Variants in ITGA4 observed in about 807,000 individuals in gnomAD.
ITGA4 encodes the protein integrin subunit alpha 4, also known as integrin alpha-4.
A neutral mutation model predicts 133.6 loss-of-function variants in ITGA4; 63 were observed. The ratio of observed to expected loss-of-function variants is 0.47; its 90% CI spans 0.38 to 0.58. ITGA4 has a LOEUF of 0.58. Among genes scored for constraint, ITGA4 ranks in the 20% least tolerant of loss-of-function variants. The pLI, the probability that ITGA4 is intolerant of heterozygous loss-of-function variation, is 0.00. For synonymous variants in ITGA4, 483 were observed against 438.0 expected (o/e 1.10, Z -1.28); for missense variants, 1,076 against 1,252.7 (o/e 0.86, Z 2.13).
Position 181,537,448 on chromosome 2 carries a change from T to TTTAAAACCCTACCACTTTA in ITGA4, c.*1922_*1940dup. On this transcript the variant is annotated 3_prime_UTR_variant, in exon 28 of 28. Coordinates refer to ENST00000397033, the MANE Select transcript of ITGA4 (RefSeq NM_000885.6). ...TTACTTTGTTACTTGTATCATGAAT[T>TTTAAAACCCTACCACTTTA]TTAAAACCCTACCACTTTAAGAAGA... The TTTAAAACCCTACCACTTTA allele has an allele frequency of 2.2e-6, 1 of 448,368 alleles. No individual in the cohort carries two copies. Among genetic ancestry groups the TTTAAAACCCTACCACTTTA allele is most frequent in the South Asian group, 1.6e-5 (1 of 63,980 alleles). The allele number at this position is 448,368 out of a possible 1,614,324, so 27.8% of individuals were successfully genotyped here. A position where few individuals can be genotyped will look rare whatever the true frequency, so the allele number is the denominator to read the frequency against.
intron 14 of ITGA4, among the ~76,000 whole-genome samples, chr2:181,497,294 A>T (rs1324644460): frequency 3.3e-5 from 5 of 152,234 alleles, no homozygotes; most frequent in Non-Finnish European, 7.3e-5. Flanking sequence ...ATAAATAATC[A>T]TCACATTATT....
At chr2:181,511,144 A>G (rs550688713) in intron 16 of ITGA4, among the ~76,000 whole-genome samples, 2 of 151,952 alleles carry the variant, frequency 1.3e-5, no homozygotes, top group South Asian at 2.1e-4. Context: ...GGGTCTTCCT[A>G]GGTCCTTTGT....
At chr2:181,466,978 T>C (rs1322128073) in intron 2 of ITGA4, among the ~76,000 whole-genome samples, 1 of 152,136 alleles carries the variant, frequency 6.6e-6, no homozygotes, top group Admixed American at 6.6e-5. Flanking sequence ...ATGGTAAATT[T>C]TGTCATGTTC....
chr2:181,498,978 T>C (rs1686214648), intron 15 of ITGA4: 1 of 668,544 alleles, frequency 1.5e-6, no homozygotes, highest in Admixed American at 6.3e-5. Context: ...ATCATCCTTT[T>C]TCACATTTAT....
intron 17 of ITGA4, among the ~76,000 whole-genome samples, chr2:181,520,100 G>GAA (rs1686687429): frequency 6.6e-6 from 1 of 152,072 alleles, no homozygotes; most frequent in South Asian, 2.1e-4. Context: ...TTTTTATAGA[G>GAA]GTGCCCCGTG....
intron 5 of ITGA4, 90 bp downstream of exon 5, chr2:181,478,914 A>T: frequency 1.6e-6 from 1 of 612,094 alleles, no homozygotes; most frequent in Non-Finnish European, 2.6e-6. Flanking sequence ...TTTTAAAGTA[A>T]AAATTGTGTA....
At chr2:181,531,478 C>T (rs1686943585) in intron 24 of ITGA4, among the ~76,000 whole-genome samples, 179 bp from the exon 25 acceptor site, 1 of 152,098 alleles carries the variant, frequency 6.6e-6, no homozygotes, top group South Asian at 2.1e-4. Flanking sequence ...AACAAACATT[C>T]ATGTCTTGTT....
chr2:181,531,872 A>T (rs1261386734), intron 25 of ITGA4, 96 bp downstream of exon 25: 18 of 804,802 alleles, frequency 2.2e-5, no homozygotes, highest in Non-Finnish European at 3.4e-5. Flanking sequence ...GGCATTCAAC[A>T]AATTAAATTT....
At chr2:181,515,062 A>G (rs141841320) in intron 17 of ITGA4, among the ~76,000 whole-genome samples, 173 of 152,198 alleles carry the variant, frequency 1.1e-3, no homozygotes, top group African/African-American at 4.1e-3. Context: ...CCTAGGCCCC[A>G]GACCATCCAC....
At chr2:181,497,186 C>T (rs1313513212) in intron 14 of ITGA4, among the ~76,000 whole-genome samples, 3 of 152,154 alleles carry the variant, frequency 2.0e-5, no homozygotes, top group Non-Finnish European at 4.4e-5. Flanking sequence ...GAGTAGATGA[C>T]GCTCTTTCCT....
At chr2:181,506,682 AG>A (rs1231105160) in intron 15 of ITGA4, among the ~76,000 whole-genome samples, 1 of 152,158 alleles carries the variant, frequency 6.6e-6, no homozygotes, top group Non-Finnish European at 1.5e-5. Context: ...TTTTATCAAA[AG>A]TTACTATATA....
Position 181,457,436 on chromosome 2 carries a change from G to A in ITGA4, c.-219G>A. On this transcript the variant is annotated 5_prime_UTR_variant, in exon 1 of 28. Transcript: ENST00000397033. ...CCGGCTGGCGGCAGAAACCGGGAGT[G>A]GGGCCGGGCGAGTGCGCGGCATCCC... 2.0e-6 allele frequency: 1 copy of A among 504,596 alleles called. No homozygotes were observed. The allele number at this position is 504,596 out of a possible 1,614,324, so 31.3% of individuals were successfully genotyped here. A position where few individuals can be genotyped will look rare whatever the true frequency, so the allele number is the denominator to read the frequency against.
At chr2:181,519,328 G>C (rs1686671685) in intron 17 of ITGA4, among the ~76,000 whole-genome samples, 1 of 152,060 alleles carries the variant, frequency 6.6e-6, no homozygotes, top group African/African-American at 2.4e-5. Context: ...AGCCCCAGAG[G>C]GTTTTTCAGT....
At chr2:181,464,389 A>AT (rs1685362938) in intron 2 of ITGA4, among the ~76,000 whole-genome samples, 2 of 152,288 alleles carry the variant, frequency 1.3e-5, no homozygotes, top group African/African-American at 4.8e-5. Flanking sequence ...TCATTAATAC[A>AT]TTTTATTGAT....
At chr2:181,525,528 G>A (rs985820456) in intron 21 of ITGA4, among the ~76,000 whole-genome samples, 1 of 152,108 alleles carries the variant, frequency 6.6e-6, no homozygotes, top group African/African-American at 2.4e-5. Flanking sequence ...ATTTCTTACT[G>A]TGAGAGCCCC....
intron 16 of ITGA4, 80 bp downstream of exon 16, chr2:181,509,887 G>T (rs1337330336): frequency 1.9e-6 from 2 of 1,031,080 alleles, no homozygotes; most frequent in Non-Finnish European, 2.9e-6. Flanking sequence ...CTGAAGAAGT[G>T]AACTATATGT....
intron 15 of ITGA4, among the ~76,000 whole-genome samples, chr2:181,501,421 A>AG (rs1264060647): frequency 6.6e-6 from 1 of 152,162 alleles, no homozygotes; most frequent in Non-Finnish European, 1.5e-5. Flanking sequence ...TCTGAGAGAA[A>AG]GGGGGATCTA....
At chr2:181,493,120 C>G in intron 10 of ITGA4, 1 of 447,014 alleles carries the variant, frequency 2.2e-6, no homozygotes. Context: ...TGCTTCCACT[C>G]TGCTTTCTTC....
intron 1 of ITGA4, 131 bp from the exon 2 acceptor site, chr2:181,458,065 C>G (rs9653241): frequency 1.5e-6 from 2 of 1,316,418 alleles, no homozygotes; most frequent in East Asian, 2.4e-5. Context: ...CTTGGAGCTT[C>G]GAGTCGGGGG....
Sources: allele counts gnomAD v4.1 joint callset (sites outside exome capture counted in the v4.1 genomes callset), GRCh38; gene constraint gnomAD v4.1.1; transcripts MANE v1.5; gene names NCBI Gene and HGNC (gene_info 2026-07-23, HGNC 2026-07-21).